CABIN1: variants seen among roughly 807,000 people sequenced by gnomAD.
CABIN1 encodes the protein calcineurin binding protein 1.
In CABIN1, 133 loss-of-function variants were observed where a neutral mutation model predicts 227.7. The observed-to-expected ratio is 0.58, with a 90% CI of 0.51 to 0.67. The LOEUF (loss-of-function observed/expected upper bound fraction) is 0.67. CABIN1 is among the 30% of genes least tolerant of loss of function. CABIN1 has a pLI of 0.00. For synonymous variants in CABIN1, 1,086 were observed against 1,155.1 expected, an observed-to-expected ratio of 0.94 and a Z score of 1.21; for missense variants, 2,408 against 2,852.5, an observed-to-expected ratio of 0.84 and a Z score of 3.55.
At position 24,159,771 on chromosome 22, in the gene CABIN1, A is replaced by T. The variant is rs530378207; in HGVS notation, c.4747-4629A>T. Among the ~76,000 whole-genome samples, 42 of 152,308 alleles carry T rather than the reference A, an allele frequency of 2.8e-4. 1 individual carries two copies. Among genetic ancestry groups the T allele is most frequent in the Admixed American group, 2.6e-3 (40 of 15,306 alleles). On this transcript the variant is annotated intron_variant, in intron 29 of 36. Transcript: ENST00000263119. ...AGCTTGCTTAGAGGCCATTTCCTGC[A>T]ACATTGCCCAAGGGACTTAATTATG...
intron 29 of CABIN1, chr22:24,156,001 A>G: frequency 3.5e-6 from 2 of 570,750 alleles, no homozygotes; most frequent in East Asian, 3.5e-5. Flanking sequence ...CGAGCGAGAG[A>G]GCGAACGAGC....
intron 29 of CABIN1, among the ~76,000 whole-genome samples, chr22:24,139,426 C>T (rs1423229035): frequency 1.3e-5 from 2 of 152,042 alleles, no homozygotes; most frequent in Admixed American, 1.3e-4. Context: ...ATTAGCCGGG[C>T]GTGGTGGTGC....
At position 24,134,338 on chromosome 22, in the gene CABIN1, A is replaced by G. The variant is rs528993710; in HGVS notation, c.4669A>G (p.Ser1557Gly). 1 of 1,614,168 alleles carries G rather than the reference A, an allele frequency of 6.2e-7. No individual in the cohort carries two copies. Among genetic ancestry groups the G allele is most frequent in the African/African-American group, 1.3e-5 (1 of 75,064 alleles). The stretch of plus-strand genomic sequence containing the variant: ...GGCCCGCGACGTGTTGCTAGGCAGC[A>G]GTATCCCGTGGCAACAACTGCAGCA... ...QWARDVLLGS[S>G]IPWQQLQHMP... Residue 1557 changes from serine (S) to glycine (G), a missense_variant, in exon 29 of 37, where the codon AGT (serine) becomes GGT (glycine). Around this residue, in one of 3 missense-constraint regions of CABIN1, gnomAD observed 649 missense variants for 910.3 expected, o/e 0.71. Transcript: ENST00000263119.
chr22:24,075,618 G>T (rs1445235630), intron 18 of CABIN1, among the ~76,000 whole-genome samples: 1 of 151,986 alleles, frequency 6.6e-6, no homozygotes, highest in Admixed American at 6.6e-5. Flanking sequence ...GGTAGCTCGC[G>T]CCTGTAGTCC....
At chr22:24,097,148 A>C (rs1217696828) in intron 25 of CABIN1, among the ~76,000 whole-genome samples, 1 of 152,176 alleles carries the variant, frequency 6.6e-6, no homozygotes, top group Non-Finnish European at 1.5e-5. Context: ...CCAACATACA[A>C]TGATACTTTC....
intron 29 of CABIN1, among the ~76,000 whole-genome samples, chr22:24,151,071 G>A (rs1569287315): frequency 6.6e-6 from 1 of 152,172 alleles, no homozygotes; most frequent in Non-Finnish European, 1.5e-5. Context: ...GCAGTAAGAG[G>A]TAGTGGGATG....
chr22:24,015,565 C>G (rs956520143), intron 1 of CABIN1, among the ~76,000 whole-genome samples: 2 of 151,642 alleles, frequency 1.3e-5, no homozygotes, highest in Admixed American at 6.6e-5. Context: ...AGGATGGTCT[C>G]GATCTTCTGA....
chr22:24,047,693 G>T (rs1012879406), intron 6 of CABIN1, among the ~76,000 whole-genome samples: 1 of 152,218 alleles, frequency 6.6e-6, no homozygotes, highest in Non-Finnish European at 1.5e-5. Flanking sequence ...CACTAGGAGC[G>T]CATCACTTTC....
chr22:24,124,001 C>G (rs1422515386), intron 28 of CABIN1, among the ~76,000 whole-genome samples: 1 of 152,212 alleles, frequency 6.6e-6, no homozygotes, highest in Admixed American at 6.5e-5. Flanking sequence ...CTCTGCCTGC[C>G]CAGGCCTTGG....
intron 19 of CABIN1, among the ~76,000 whole-genome samples, chr22:24,080,276 A>T (rs982496585): frequency 1.3e-5 from 2 of 152,176 alleles, no homozygotes; most frequent in Admixed American, 6.5e-5. Flanking sequence ...GTTCCTGACA[A>T]TACTGAATTG....
At chr22:24,013,197 CTTTTTTT>C (rs35584227) in intron 1 of CABIN1, among the ~76,000 whole-genome samples, 9 of 113,514 alleles carry the variant, frequency 7.9e-5, no homozygotes, top group African/African-American at 3.2e-4. Flanking sequence ...TCTTTTTAAG[CTTTTTTT>C]TTTTTTTTTT....
At chr22:24,099,337 AGAAAG>A (rs1210655640) in intron 26 of CABIN1, among the ~76,000 whole-genome samples, 1 of 152,200 alleles carries the variant, frequency 6.6e-6, no homozygotes, top group African/African-American at 2.4e-5. Flanking sequence ...GCTATTCTCA[AGAAAG>A]GAAAGGAGAC....
At chr22:24,156,806 G>C (rs1266098131) in intron 29 of CABIN1, among the ~76,000 whole-genome samples, 1 of 152,164 alleles carries the variant, frequency 6.6e-6, no homozygotes, top group East Asian at 1.9e-4. Context: ...CAGAGTTGGC[G>C]GCGGGGCTCT....
chr22:24,093,071 G>T (rs1018783408), intron 24 of CABIN1, among the ~76,000 whole-genome samples: 3 of 152,126 alleles, frequency 2.0e-5, no homozygotes, highest in Non-Finnish European at 4.4e-5. Context: ...ACTTGAAGCA[G>T]GGAGCACATC....
At position 24,140,510 on chromosome 22, in the gene CABIN1, C is replaced by T. The variant is rs2044690028; in HGVS notation, c.4746+6095C>T. Reference sequence around the variant, plus strand: ...AAGCTTCTGGGGCTCCCCCCGCAGGCATACACACCTCTGGCAGGCAAGCCT... The same window carrying T: ...AAGCTTCTGGGGCTCCCCCCGCAGGTATACACACCTCTGGCAGGCAAGCCT... On this transcript the variant is annotated intron_variant, in intron 29 of 36. Transcript: ENST00000263119. 2.0e-5 allele frequency among the ~76,000 whole-genome samples: 3 copies of T among 152,208 alleles called. No homozygotes were observed. The South Asian group carries it at 6.2e-4, about 31-fold the overall frequency.
At chr22:24,043,435 A>G (rs986996617) in intron 6 of CABIN1, among the ~76,000 whole-genome samples, 1 of 151,610 alleles carries the variant, frequency 6.6e-6, no homozygotes, top group Admixed American at 6.6e-5. Context: ...TTAAAAAAAA[A>G]TACCATAGAT....
At chr22:24,151,872 C>T (rs1031134556) in intron 29 of CABIN1, among the ~76,000 whole-genome samples, 11 of 152,354 alleles carry the variant, frequency 7.2e-5, no homozygotes, top group African/African-American at 2.2e-4. Flanking sequence ...CCCCTGCCAT[C>T]CTCACCTTCC....
At chr22:24,049,059 C>T (rs2038117753) in intron 6 of CABIN1, 32 bp from the exon 7 acceptor site, 2 of 1,612,812 alleles carry the variant, frequency 1.2e-6, no homozygotes, top group Non-Finnish European at 1.7e-6. Flanking sequence ...AGTGCGGTCT[C>T]AGAAGTCATA....
Position 24,087,548 on chromosome 22 carries a change from G to GCATGCCACGCCCGT in CABIN1, c.3362_3375dup (p.Leu1126MetfsTer6). On this transcript the variant is annotated frameshift_variant, in exon 23 of 37. Coordinates refer to ENST00000263119, the MANE Select transcript of CABIN1 (RefSeq NM_012295.4). LOFTEE classifies it high-confidence loss of function. ...TGAAGAGTGATGGGCCCATTTGGAAGCATGCCACGCCCGTCTTGAACTGCT... is the reference window on the plus strand; with the variant it reads ...TGAAGAGTGATGGGCCCATTTGGAAGCATGCCACGCCCGTCATGCCACGCCCGTCTTGAACTGCT... 1 of 1,614,254 alleles carries GCATGCCACGCCCGT rather than the reference G, an allele frequency of 6.2e-7. No individual in the cohort carries two copies. The highest frequency in any genetic ancestry group is 2.2e-5 in the East Asian group (1 of 44,880).
Sources: gnomAD v4.1 joint callset for allele counts (sites outside exome capture counted in the v4.1 genomes callset) on GRCh38, gnomAD v4.1.1 for gene constraint, gnomAD v4.1.1 regional missense constraint, MANE v1.5 for transcripts, NCBI Gene and HGNC (gene_info 2026-07-23, HGNC 2026-07-21) for gene names.